The following NAV2 variants were observed in gnomAD, a reference collection of about 807,000 sequenced individuals.
The protein encoded by NAV2 is neuron navigator 2, also known as helicase, APC down-regulated 1.
A neutral mutation model predicts 223.2 loss-of-function variants in NAV2; 54 were observed. The ratio of observed to expected loss-of-function variants is 0.24; its 90% CI spans 0.19 to 0.30. The LOEUF (loss-of-function observed/expected upper bound fraction) is 0.30. NAV2 is among the 10% of genes least tolerant of loss of function. The pLI, the probability that NAV2 is intolerant of heterozygous loss-of-function variation, is 1.00. For missense variants in NAV2, 2,806 were observed against 3,147.5 expected, an observed-to-expected ratio of 0.89 and a Z score of 2.60; for synonymous variants, 1,279 against 1,239.3, an observed-to-expected ratio of 1.03 and a Z score of -0.67.
chr11:19,521,031 T>G (rs1590396473), intron 1 of NAV2, among the ~76,000 whole-genome samples: 1 of 152,178 alleles, frequency 6.6e-6, no homozygotes, highest in African/African-American at 2.4e-5. Flanking sequence ...CGCCTGCCTA[T>G]CTGGTTTATT....
chr11:19,760,560 T>C (rs1334455766), intron 1 of NAV2, among the ~76,000 whole-genome samples: 1 of 152,206 alleles, frequency 6.6e-6, no homozygotes, highest in African/African-American at 2.4e-5. Flanking sequence ...GCTGGGCTTT[T>C]CAGGGGCTTG....
intron 1 of NAV2, among the ~76,000 whole-genome samples, chr11:19,681,220 G>C (rs1159036059): frequency 6.6e-6 from 1 of 152,158 alleles, no homozygotes; most frequent in African/African-American, 2.4e-5. Context: ...CCCTGACCTG[G>C]CAGTCCTTCT....
chr11:19,740,671 G>T (rs981800927), intron 1 of NAV2, among the ~76,000 whole-genome samples: 1 of 152,194 alleles, frequency 6.6e-6, no homozygotes, highest in African/African-American at 2.4e-5. Flanking sequence ...AATTGAACTA[G>T]AAACAATACT....
At chr11:19,573,940 G>A (rs931070078) in intron 1 of NAV2, among the ~76,000 whole-genome samples, 4 of 152,210 alleles carry the variant, frequency 2.6e-5, no homozygotes, top group African/African-American at 9.6e-5. Flanking sequence ...AGCAGCTGGT[G>A]GATGACTGGG....
rs1646226805 is a variant in NAV2 at position 20,120,648 on chromosome 11, C to T, written c.*2390C>T. ...ATTCTCTTCTCCCCTTTCCCACAGA[C>T]TTCCCTCCTGGGTCCAGGTTCAGAA... On this transcript the variant is annotated 3_prime_UTR_variant, in exon 38 of 38. Transcript: ENST00000349880. 2 of 127,648 alleles carry T rather than the reference C, an allele frequency of 1.6e-5. No homozygotes were observed. Among genetic ancestry groups the T allele is most frequent in the Admixed American group, 1.6e-4 (2 of 12,604 alleles). The allele number at this position is 127,648 out of a possible 1,614,324, so 7.9% of individuals were successfully genotyped here.
At chr11:19,945,817 A>G (rs930625693) in intron 8 of NAV2, among the ~76,000 whole-genome samples, 1 of 152,212 alleles carries the variant, frequency 6.6e-6, no homozygotes, top group African/African-American at 2.4e-5. Flanking sequence ...AGTCTGAAGG[A>G]TAGAGAGGAC....
At chr11:19,495,933 G>A (rs2042780013) in intron 1 of NAV2, among the ~76,000 whole-genome samples, 1 of 152,138 alleles carries the variant, frequency 6.6e-6, no homozygotes, top group Admixed American at 6.5e-5. Context: ...AAGGACAGAG[G>A]ATGCGGGAGC....
chr11:19,665,449 T>TC (rs1023786459), intron 1 of NAV2, among the ~76,000 whole-genome samples: 14 of 152,092 alleles, frequency 9.2e-5, no homozygotes, highest in African/African-American at 3.4e-4. Context: ...CCTCTCCTCC[T>TC]CCCCATGGCA....
At chr11:19,651,947 C>A (rs914714682) in intron 1 of NAV2, among the ~76,000 whole-genome samples, 4 of 152,034 alleles carry the variant, frequency 2.6e-5, no homozygotes, top group South Asian at 4.2e-4. Context: ...TTCTTTAAAC[C>A]TTGAAGGATG....
intron 10 of NAV2, among the ~76,000 whole-genome samples, chr11:19,949,888 A>G (rs2047243580): frequency 6.6e-6 from 1 of 152,224 alleles, no homozygotes; most frequent in South Asian, 2.1e-4. Context: ...GAATGAATGA[A>G]CAAATCCAGC....
At chr11:19,657,842 C>T (rs1321874307) in intron 1 of NAV2, among the ~76,000 whole-genome samples, 1 of 151,920 alleles carries the variant, frequency 6.6e-6, no homozygotes, top group Non-Finnish European at 1.5e-5. Context: ...GAAGGGGAGC[C>T]CAGGGTGATG....
chr11:19,713,947 CGGGTTCGATACCCA>C lies in NAV2; in HGVS notation c.255_267+1del. Reference sequence around the variant, plus strand: ...TGCGGAAGAGCGGCTCGGTGGAAAACGGGTTCGATACCCAGGTGAGAGATGCCGTTTGCCGGGGT... The same window carrying C: ...TGCGGAAGAGCGGCTCGGTGGAAAACGGTGAGAGATGCCGTTTGCCGGGGT... On this transcript the variant is annotated frameshift_variant and splice_region_variant, in exon 1 of 38. Coordinates refer to ENST00000349880, the MANE Select transcript of NAV2 (RefSeq NM_145117.5). LOFTEE classifies it high-confidence loss of function. This position sits in a 1 kb window ranked among gnomAD's most constrained non-coding sequence, Gnocchi z 7.2. 1 of 1,612,796 alleles carries C rather than the reference CGGGTTCGATACCCA, an allele frequency of 6.2e-7. No homozygotes were observed. Among genetic ancestry groups the C allele is most frequent in the Non-Finnish European group, 8.5e-7 (1 of 1,179,780 alleles).
chr11:19,482,967 A>G (rs2042326016), intron 1 of NAV2, among the ~76,000 whole-genome samples: 1 of 152,146 alleles, frequency 6.6e-6, no homozygotes. Flanking sequence ...TTACATTCCC[A>G]CCATGTCTCT....
intron 34 of NAV2, chr11:20,105,275 G>T: frequency 2.7e-6 from 1 of 374,256 alleles, no homozygotes; most frequent in East Asian, 4.7e-5. Context: ...TCCTGGAAAA[G>T]TTACATGACC....
At chr11:19,543,098 C>T (rs1481727618) in intron 1 of NAV2, among the ~76,000 whole-genome samples, 1 of 152,206 alleles carries the variant, frequency 6.6e-6, no homozygotes, top group Non-Finnish European at 1.5e-5. Flanking sequence ...CCTTGGTCAT[C>T]TTTAAGATAG....
intron 22 of NAV2, among the ~76,000 whole-genome samples, chr11:20,076,745 A>G (rs546661247): frequency 3.1e-4 from 47 of 152,346 alleles, no homozygotes; most frequent in Non-Finnish European, 5.3e-4. Flanking sequence ...ACATTTCCCC[A>G]TTCTTAAACT....
chr11:20,118,075 C>G (rs972606660), intron 37 of NAV2, 58 bp from the exon 38 acceptor site: 10 of 1,603,294 alleles, frequency 6.2e-6, no homozygotes, highest in Non-Finnish European at 8.5e-6. Context: ...TTTTAGGAGT[C>G]CAGGGTGGGC....
chr11:19,485,616 A>G (rs1051480425), intron 1 of NAV2, among the ~76,000 whole-genome samples: 1 of 152,002 alleles, frequency 6.6e-6, no homozygotes, highest in Non-Finnish European at 1.5e-5. Context: ...AATTCAACAA[A>G]CTCATTCCCA....
intron 25 of NAV2, 89 bp downstream of exon 25, chr11:20,080,298 GC>G: frequency 7.8e-7 from 1 of 1,275,498 alleles, no homozygotes; most frequent in Non-Finnish European, 1.1e-6. Flanking sequence ...GTCCAGCCCA[GC>G]TACTATCTGT....
Sources: gnomAD v4.1 joint callset for allele counts (sites outside exome capture counted in the v4.1 genomes callset) on GRCh38, gnomAD v4.1.1 for gene constraint, Gnocchi (gnomAD v3.1) non-coding constraint, MANE v1.5 for transcripts, NCBI Gene and HGNC (gene_info 2026-07-23, HGNC 2026-07-21) for gene names.